Variants in VPS53 observed in about 807,000 individuals in gnomAD.
VPS53 encodes the protein VPS53 subunit of GARP complex.
VPS53 carries 70 observed loss-of-function variants against 107.0 expected under a neutral mutation model. That is an observed-to-expected ratio of 0.65 (90% CI 0.54 to 0.80). The LOEUF is 0.80. VPS53 is among the 30% of genes least tolerant of loss of function. The probability of loss-of-function intolerance (pLI) is 0.00; values close to 1 mark genes in which losing one functional copy is unlikely to be tolerated. For synonymous variants in VPS53, 409 were observed against 393.3 expected (o/e 1.04, Z -0.47); for missense variants, 917 against 1,049.4 (o/e 0.87, Z 1.74).
chr17:579,941 T>C (rs751553214), intron 13 of VPS53, among the ~76,000 whole-genome samples: 40 of 150,242 alleles, frequency 2.7e-4, no homozygotes, highest in Non-Finnish European at 5.2e-4. Context: ...CCTCAGAATC[T>C]AATGCATTCC....
intron 5 of VPS53, chr17:657,571 G>T: frequency 1.1e-6 from 1 of 951,086 alleles, no homozygotes; most frequent in Non-Finnish European, 1.7e-6. Flanking sequence ...AAGGAAAAGA[G>T]GACCTTTGTC....
In VPS53 at chr17:512,825, A is replaced by C. The variant is rs940265107; in HGVS notation, c.*6303T>G. The C allele has an allele frequency of 4.0e-5, 6 of 151,660 alleles. No individual in the cohort carries two copies. Among genetic ancestry groups the C allele is most frequent in the Non-Finnish European group, 8.8e-5 (6 of 67,912 alleles). 9.4% of individuals were successfully genotyped at this position (151,660 alleles called of 1,614,324 possible). A position where few individuals can be genotyped will look rare whatever the true frequency, so the allele number is the denominator to read the frequency against. On this transcript the variant is annotated 3_prime_UTR_variant, in exon 22 of 22. Transcript: ENST00000437048. ...CTAAAGGACACAAGACTTCCCAAAGAGTTTTCATGGCAAAACGTCCATCCA... is the reference window on the plus strand; with the variant it reads ...CTAAAGGACACAAGACTTCCCAAAGCGTTTTCATGGCAAAACGTCCATCCA...
chr17:685,415 G>A lies in VPS53; in HGVS notation c.285+12003C>T, dbSNP rs78588139. On this transcript the variant is annotated intron_variant, in intron 4 of 21. Coordinates refer to ENST00000437048, the MANE Select transcript of VPS53 (RefSeq NM_001128159.3). ...AAACATTCTGTAGAAACCATACTTT[G>A]GGTACCCATACAACCACTCTGTTTT... 2.6e-5 allele frequency among the ~76,000 whole-genome samples: 4 copies of A among 152,138 alleles called. No individual in the cohort carries two copies. The East Asian group carries it at 7.7e-4, about 29-fold the overall frequency.
In VPS53 at chr17:519,715, G is replaced by C. The variant is rs1416750680; in HGVS notation, c.2328+111C>G. 3.6e-6 allele frequency: 3 copies of C among 825,486 alleles called. No homozygotes were observed. Among genetic ancestry groups the C allele is most frequent in the East Asian group, 5.3e-5 (2 of 37,496 alleles). 51.1% of individuals were successfully genotyped at this position (825,486 alleles called of 1,614,324 possible). On this transcript the variant is annotated intron_variant, in intron 21 of 21. Transcript: ENST00000437048. The surrounding 1 kb of genome is among the most constrained non-coding windows in gnomAD (Gnocchi z 5.0). ...GAATCCGGTTTGCTCTGTGGAGCCA[G>C]GCACATGCATTTTGAGAAAGCCCCC...
intron 11 of VPS53, among the ~76,000 whole-genome samples, chr17:612,336 A>G (rs1968924706): frequency 9.0e-6 from 1 of 111,098 alleles, no homozygotes; most frequent in Non-Finnish European, 1.9e-5. Flanking sequence ...CACAGTGAAA[A>G]CCTGTACAAA....
chr17:703,516 C>A (rs1214516142), intron 2 of VPS53, among the ~76,000 whole-genome samples: 1 of 152,196 alleles, frequency 6.6e-6, no homozygotes, highest in African/African-American at 2.4e-5. Flanking sequence ...GGGGAAAAGC[C>A]CTGTGGGAAT....
At chr17:638,700 T>G (rs888692640) in intron 7 of VPS53, among the ~76,000 whole-genome samples, 2 of 152,192 alleles carry the variant, frequency 1.3e-5, no homozygotes, top group African/African-American at 4.8e-5. Context: ...GATATGAAAT[T>G]CTGGGTTGAA....
At chr17:579,243 G>A (rs369956985) in intron 13 of VPS53, among the ~76,000 whole-genome samples, 5 of 148,314 alleles carry the variant, frequency 3.4e-5, no homozygotes, top group African/African-American at 1.3e-4. Context: ...TGCGTTCCCA[G>A]AGAACCTCCC....
At position 521,967 on chromosome 17, in the gene VPS53, CA is replaced by C. The variant is rs1243437410; in HGVS notation, c.2086-230del. On this transcript the variant is annotated intron_variant, in intron 19 of 21. Transcript: ENST00000437048. ...TGTGTACGTATATAAAAAACTAAAT[CA>C]GGGGGCCAGGAGCCGTGGCTCACAC... Among the ~76,000 whole-genome samples the C allele has an allele frequency of 6.6e-5, 10 of 152,200 alleles. No homozygotes were observed. In the South Asian group the frequency reaches 1.4e-3, roughly 22 times the overall value.
intron 7 of VPS53, among the ~76,000 whole-genome samples, chr17:644,621 T>C (rs1970606382): frequency 6.6e-6 from 1 of 152,056 alleles, no homozygotes; most frequent in East Asian, 1.9e-4. Context: ...GTCTGCTTTC[T>C]TGCCCAGGCT....
Position 517,669 on chromosome 17 carries a change from G to A in VPS53, c.*1459C>T, listed in dbSNP as rs1424939510. The stretch of plus-strand genomic sequence containing the variant: ...CCAGTAGCTGGGATTACAGGCACTC[G>A]CCATGACACCCGGCTAATTTTTTTT... On this transcript the variant is annotated 3_prime_UTR_variant, in exon 22 of 22. Coordinates refer to ENST00000437048, the MANE Select transcript of VPS53 (RefSeq NM_001128159.3). 6 of 366,136 alleles carry A rather than the reference G, an allele frequency of 1.6e-5. No homozygotes were observed. The highest frequency in any genetic ancestry group is 4.6e-5 in the Admixed American group (1 of 21,752). 22.7% of individuals were successfully genotyped at this position (366,136 alleles called of 1,614,324 possible).
Position 520,451 on chromosome 17 carries a change from A to G in VPS53, c.2224-521T>C, listed in dbSNP as rs79617248. Among the ~76,000 whole-genome samples, 1,831 of 152,358 alleles carry G rather than the reference A, an allele frequency of 0.012. 45 individuals are homozygous for G. Among genetic ancestry groups the G allele is most frequent in the African/African-American group, 0.04 (1,668 of 41,584 alleles). On this transcript the variant is annotated intron_variant, in intron 20 of 21. Transcript: ENST00000437048. This position sits in a 1 kb window ranked among gnomAD's most constrained non-coding sequence, Gnocchi z 4.4. ...GGTATAAGTAAGTGGATTTCTGCAA[A>G]AACAAAAATGCCAAAGCTGCCTCAC... is the stretch of plus-strand genomic sequence containing the variant.
At chr17:599,144 C>T (rs1331599125) in intron 12 of VPS53, among the ~76,000 whole-genome samples, 6 of 139,994 alleles carry the variant, frequency 4.3e-5, no homozygotes, top group Non-Finnish European at 7.9e-5. Flanking sequence ...GTCAGCCCCC[C>T]GCCCGGCCAG....
intron 4 of VPS53, among the ~76,000 whole-genome samples, chr17:668,738 CA>C (rs1282057280): frequency 6.6e-6 from 1 of 152,120 alleles, no homozygotes; most frequent in Non-Finnish European, 1.5e-5. Flanking sequence ...ATATGACATG[CA>C]GCTAAGAAAG....
chr17:615,413 C>T (rs1018614350), intron 11 of VPS53, among the ~76,000 whole-genome samples: 1 of 152,098 alleles, frequency 6.6e-6, no homozygotes, highest in Admixed American at 6.5e-5. Context: ...GTCTTCCGGG[C>T]GAGCTGGCCA....
At chr17:537,241 GA>G in intron 17 of VPS53, 65 bp from the exon 18 acceptor site, 2 of 1,571,296 alleles carry the variant, frequency 1.3e-6, no homozygotes, top group Non-Finnish European at 8.7e-7. Context: ...TGTTACTGGG[GA>G]AGGGAGGGGC....
At chr17:627,095 A>G in intron 10 of VPS53, 79 bp downstream of exon 10, 1 of 1,531,456 alleles carries the variant, frequency 6.5e-7, no homozygotes, top group Non-Finnish European at 8.8e-7. Context: ...TCCACAGGAC[A>G]ACATGGAACC....
intron 19 of VPS53, among the ~76,000 whole-genome samples, chr17:531,634 G>T (rs1243559561): frequency 6.6e-6 from 1 of 152,028 alleles, no homozygotes; most frequent in Admixed American, 6.6e-5. Flanking sequence ...GAGCAGCTGG[G>T]ACTACAGGTG....
intron 7 of VPS53, among the ~76,000 whole-genome samples, chr17:645,792 T>G (rs142015092): frequency 6.9e-6 from 1 of 144,448 alleles, no homozygotes. Flanking sequence ...TCCGTGACCG[T>G]GTGGCCACTG....
Sources: gnomAD v4.1 joint callset for allele counts (sites outside exome capture counted in the v4.1 genomes callset) on GRCh38, gnomAD v4.1.1 for gene constraint, Gnocchi (gnomAD v3.1) non-coding constraint, MANE v1.5 for transcripts, NCBI Gene and HGNC (gene_info 2026-07-23, HGNC 2026-07-21) for gene names.